Variants in NOS1AP observed in about 807,000 individuals in gnomAD.
NOS1AP encodes the protein nitric oxide synthase 1 adaptor protein.
Under a neutral mutation model 56.2 loss-of-function variants are expected in NOS1AP, and 21 were observed. The observed-to-expected ratio is 0.37, with a 90% CI of 0.26 to 0.54. The LOEUF (loss-of-function observed/expected upper bound fraction) is 0.54, where lower values mean the gene tolerates loss of function less well. Among genes scored for constraint, NOS1AP ranks in the 20% least tolerant of loss-of-function variants. The pLI is 0.84. For missense variants in NOS1AP, 522 were observed against 657.8 expected, an observed-to-expected ratio of 0.79 and a Z score of 2.26; for synonymous variants, 270 against 274.6, an observed-to-expected ratio of 0.98 and a Z score of 0.17.
At chr1:162,075,227 A>C (rs1165841952) in intron 1 of NOS1AP, among the ~76,000 whole-genome samples, 1 of 152,200 alleles carries the variant, frequency 6.6e-6, no homozygotes, top group African/African-American at 2.4e-5. Context: ...TCAGGTACAA[A>C]CATAGTCACA....
chr1:162,259,836 G>A (rs111231711), intron 2 of NOS1AP, among the ~76,000 whole-genome samples: 115 of 152,202 alleles, frequency 7.6e-4, no homozygotes, highest in African/African-American at 2.6e-3. Flanking sequence ...AAGAAATTTG[G>A]CAGTTATGTT....
rs749598281 is a variant in NOS1AP at position 162,332,999 on chromosome 1, CTGT to C, written c.345-13_345-11del. 8.2e-6 allele frequency: 13 copies of C among 1,577,040 alleles called. No individual in the cohort carries two copies. In the Admixed American group the frequency reaches 8.3e-5, roughly 10 times the overall value. On this transcript the variant is annotated splice_polypyrimidine_tract_variant and intron_variant, in intron 4 of 9. Transcript: ENST00000361897. The stretch of plus-strand genomic sequence containing the variant: ...CTAAGGCCATTTTCAGTGCATTTTT[CTGT>C]TGTTCTTCCTTTAGGATCTTCTATG...
chr1:162,264,459 T>TC (rs1459864141), intron 2 of NOS1AP, among the ~76,000 whole-genome samples: 6,428 of 11,190 alleles, frequency 0.57, 1,010 homozygotes, highest in East Asian at 0.6. Context: ...TCTTCTCTTC[T>TC]CTTCTCCTCC....
intron 4 of NOS1AP, among the ~76,000 whole-genome samples, chr1:162,319,856 T>C (rs1343825713): frequency 6.6e-6 from 1 of 152,084 alleles, no homozygotes; most frequent in African/African-American, 2.4e-5. Flanking sequence ...TGTATTAAAC[T>C]CTCTTCAGCC....
intron 4 of NOS1AP, among the ~76,000 whole-genome samples, chr1:162,314,290 C>T (rs1656158377): frequency 6.6e-6 from 1 of 152,216 alleles, no homozygotes; most frequent in Non-Finnish European, 1.5e-5. Context: ...GGATCCGCCT[C>T]TCTGGGCCTG....
Position 162,153,759 on chromosome 1 carries a change from G to T in NOS1AP, c.106-646G>T, listed in dbSNP as rs554809485. On this transcript the variant is annotated intron_variant, in intron 1 of 9. Coordinates refer to ENST00000361897, the MANE Select transcript of NOS1AP (RefSeq NM_014697.3). ...GATGTACATCAACTGTTACAGTGGG[G>T]ACTTTATTCTTTTGTGCTGCATATT... Among the ~76,000 whole-genome samples the T allele has an allele frequency of 2.8e-3, 428 of 152,236 alleles. 3 individuals carry two copies. Among genetic ancestry groups the T allele is most frequent in the Non-Finnish European group, 4.9e-3 (331 of 68,004 alleles).
chr1:162,369,513 TAGGTG>T lies in NOS1AP; in HGVS notation c.*2047_*2051del, dbSNP rs1270118121. 6.6e-6 allele frequency: 1 copy of T among 152,342 alleles called. No homozygotes were observed. Among genetic ancestry groups the T allele is most frequent in the African/African-American group, 2.4e-5 (1 of 41,430 alleles). The allele number at this position is 152,342 out of a possible 1,614,324, so 9.4% of individuals were successfully genotyped here. On this transcript the variant is annotated 3_prime_UTR_variant, in exon 10 of 10. Coordinates refer to ENST00000361897, the MANE Select transcript of NOS1AP (RefSeq NM_014697.3). ...AGGATAAAGCCAGAGGCCAGTGGAT[TAGGTG>T]TATGGAATGTGGATGGAGAGGGCTT...
chr1:162,176,662 C>T (rs1651072681), intron 2 of NOS1AP, among the ~76,000 whole-genome samples: 1 of 151,978 alleles, frequency 6.6e-6, no homozygotes, highest in South Asian at 2.1e-4. Flanking sequence ...GCGTGTGCTA[C>T]CACGCCCAGC....
intron 1 of NOS1AP, among the ~76,000 whole-genome samples, chr1:162,077,827 C>T (rs1474878133): frequency 1.3e-5 from 2 of 152,004 alleles, no homozygotes; most frequent in African/African-American, 4.8e-5. Flanking sequence ...TTGTCTTTCT[C>T]CTCCTTTCAC....
chr1:162,100,294 G>A (rs1286422819), intron 1 of NOS1AP, among the ~76,000 whole-genome samples: 2 of 151,894 alleles, frequency 1.3e-5, no homozygotes, highest in African/African-American at 4.8e-5. Flanking sequence ...TCCAGCACCT[G>A]TTGTTTCCTG....
At chr1:162,134,748 G>T (rs1648913989) in intron 1 of NOS1AP, among the ~76,000 whole-genome samples, 1 of 151,876 alleles carries the variant, frequency 6.6e-6, no homozygotes, top group Non-Finnish European at 1.5e-5. Context: ...TCTGTCACTG[G>T]TCTCTTGTCA....
intron 4 of NOS1AP, among the ~76,000 whole-genome samples, chr1:162,301,629 A>G (rs1292141085): frequency 6.6e-6 from 1 of 152,232 alleles, no homozygotes; most frequent in Non-Finnish European, 1.5e-5. Context: ...AAGAACATAT[A>G]GAAAGCCAGG....
At chr1:162,147,902 G>C (rs1432365888) in intron 1 of NOS1AP, among the ~76,000 whole-genome samples, 1 of 152,098 alleles carries the variant, frequency 6.6e-6, no homozygotes, top group East Asian at 1.9e-4. Flanking sequence ...TAGAGGCCCT[G>C]TTTGATGTCT....
intron 2 of NOS1AP, among the ~76,000 whole-genome samples, chr1:162,172,430 G>T (rs1056328763): frequency 1.3e-5 from 2 of 152,194 alleles, no homozygotes; most frequent in African/African-American, 2.4e-5. Context: ...AGTCTGGAGT[G>T]GGGGATGTGG....
At chr1:162,253,023 T>G (rs1557850146) in intron 2 of NOS1AP, among the ~76,000 whole-genome samples, 1 of 152,220 alleles carries the variant, frequency 6.6e-6, no homozygotes, top group East Asian at 1.9e-4. Flanking sequence ...TGTTTGTCCC[T>G]AACAAAACTC....
intron 2 of NOS1AP, among the ~76,000 whole-genome samples, chr1:162,222,089 A>G (rs1157994704): frequency 2.6e-5 from 4 of 152,114 alleles, no homozygotes. Context: ...CTCTCTCTGG[A>G]TTTTTACAGT....
At chr1:162,189,476 C>A (rs762714041) in intron 2 of NOS1AP, among the ~76,000 whole-genome samples, 3 of 152,208 alleles carry the variant, frequency 2.0e-5, no homozygotes, top group Admixed American at 6.5e-5. Context: ...ATTTCTCCTA[C>A]TCAAAGAATT....
intron 1 of NOS1AP, among the ~76,000 whole-genome samples, chr1:162,118,329 C>G (rs936851096): frequency 1.3e-5 from 2 of 152,150 alleles, no homozygotes; most frequent in Admixed American, 1.3e-4. Context: ...TGTTTAGCTC[C>G]CACTTATAAG....
At chr1:162,349,367 C>T (rs1006170032) in intron 6 of NOS1AP, among the ~76,000 whole-genome samples, 2 of 152,130 alleles carry the variant, frequency 1.3e-5, no homozygotes, top group African/African-American at 4.8e-5. Flanking sequence ...ATGGTAGTGG[C>T]CTAGCCCAGT....
Sources: gnomAD v4.1 joint callset for allele counts (sites outside exome capture counted in the v4.1 genomes callset) on GRCh38, gnomAD v4.1.1 for gene constraint, MANE v1.5 for transcripts, NCBI Gene and HGNC (gene_info 2026-07-23, HGNC 2026-07-21) for gene names.